Variants in KLRG1 observed in about 807,000 individuals in gnomAD.
KLRG1 encodes killer cell lectin-like receptor subfamily G member 1.
In KLRG1, 16 loss-of-function variants were observed where a neutral mutation model predicts 21.8. The observed-to-expected ratio is 0.73, with a 90% CI of 0.50 to 1.11. The LOEUF (loss-of-function observed/expected upper bound fraction) is 1.11. Ranked by LOEUF, KLRG1 falls within the 50% of genes most tolerant of loss-of-function variation. The pLI is 0.00. For missense variants in KLRG1, 173 were observed against 218.3 expected (o/e 0.79, Z 1.31); for synonymous variants, 69 against 75.9 (o/e 0.91, Z 0.47).
At chr12:9,099,323 A>G in the KLRG1 span, 1 of 1,491,608 alleles carries the variant, frequency 6.7e-7, no homozygotes, top group Non-Finnish European at 9.1e-7. Context: ...AAAACAAATG[A>G]TAACAATAGT....
chr12:9,092,321 A>T, the KLRG1 span, among the ~76,000 whole-genome samples: 1 of 152,196 alleles, frequency 6.6e-6, no homozygotes, highest in African/African-American at 2.4e-5. Flanking sequence ...CCAGGAGTAG[A>T]TGGAGCTCTG....
chr12:8,978,652 C>A (rs927106006), intron 1 of KLRG1, among the ~76,000 whole-genome samples: 15 of 134,208 alleles, frequency 1.1e-4, no homozygotes, highest in Non-Finnish European at 2.0e-4. Flanking sequence ...TTCTTTCTTT[C>A]TTTCTTTCTT....
chr12:9,014,614 G>T (rs1451667523), downstream of KLRG1, among the ~76,000 whole-genome samples: 1 of 152,018 alleles, frequency 6.6e-6, no homozygotes, highest in Non-Finnish European at 1.5e-5. Flanking sequence ...GCTAAAGGGG[G>T]TTCTTCAATC....
chr12:9,203,752 G>T, the KLRG1 span: 1 of 1,613,558 alleles, frequency 6.2e-7, no homozygotes, highest in Non-Finnish European at 8.5e-7. Context: ...TAGCCAGCTG[G>T]CACCGTAGCA....
chr12:9,157,256 C>T, the KLRG1 span: 1 of 1,614,014 alleles, frequency 6.2e-7, no homozygotes, highest in Non-Finnish European at 8.5e-7. Flanking sequence ...AAAGCATAGG[C>T]CAGCAATGCC....
the KLRG1 span, among the ~76,000 whole-genome samples, chr12:9,177,532 G>C: frequency 6.6e-6 from 1 of 152,302 alleles, no homozygotes; most frequent in South Asian, 2.1e-4. Context: ...AAGCCACTAG[G>C]TTTTGAAGAA....
chr12:9,146,182 A>G, the KLRG1 span, among the ~76,000 whole-genome samples: 2 of 152,004 alleles, frequency 1.3e-5, no homozygotes, highest in Non-Finnish European at 2.9e-5. Flanking sequence ...TGATGGTGCT[A>G]CATAAGTTCC....
intron 2 of KLRG1, among the ~76,000 whole-genome samples, chr12:8,994,838 T>G: frequency 6.6e-6 from 1 of 152,226 alleles, no homozygotes; most frequent in Non-Finnish European, 1.5e-5. Context: ...CTCCAGAGTT[T>G]TCAGGCAGAT....
At chr12:9,183,524 C>G in the KLRG1 span, among the ~76,000 whole-genome samples, 1 of 152,132 alleles carries the variant, frequency 6.6e-6, no homozygotes, top group South Asian at 2.1e-4. Context: ...CTCAGCCTCC[C>G]CAGTAGCTGG....
the KLRG1 span, chr12:9,093,636 G>C: frequency 1.1e-6 from 1 of 880,834 alleles, no homozygotes; most frequent in Non-Finnish European, 1.6e-6. Flanking sequence ...GCTTATGAGA[G>C]AATGTAATAG....
At chr12:9,038,146 A>G in the KLRG1 span, among the ~76,000 whole-genome samples, 1 of 152,124 alleles carries the variant, frequency 6.6e-6, no homozygotes, top group Admixed American at 6.6e-5. Context: ...CTATAGTCCT[A>G]CCTATTCAGG....
chr12:9,092,349 A>G, the KLRG1 span, among the ~76,000 whole-genome samples: 1 of 152,162 alleles, frequency 6.6e-6, no homozygotes, highest in Non-Finnish European at 1.5e-5. Flanking sequence ...GAGTCTCCCT[A>G]GACCACAGTG....
the KLRG1 span, among the ~76,000 whole-genome samples, chr12:9,132,228 A>G: frequency 1.3e-5 from 2 of 152,240 alleles, no homozygotes; most frequent in Non-Finnish European, 1.5e-5. Context: ...TCAACCTTGG[A>G]ACACCAACCT....
chr12:9,082,298 T>G, the KLRG1 span, among the ~76,000 whole-genome samples: 9 of 152,174 alleles, frequency 5.9e-5, no homozygotes, highest in Non-Finnish European at 1.2e-4. Context: ...AGGTCCCAAA[T>G]AGCAGAATCA....
the KLRG1 span, chr12:9,158,290 T>C: frequency 7.4e-7 from 1 of 1,345,352 alleles, no homozygotes; most frequent in South Asian, 1.4e-5. Context: ...TGTAATACTC[T>C]TTCCCTGATG....
At chr12:9,019,997 G>C in the KLRG1 span, among the ~76,000 whole-genome samples, 1 of 152,002 alleles carries the variant, frequency 6.6e-6, no homozygotes, top group South Asian at 2.1e-4. Context: ...CCAAGCTACT[G>C]TTGTTTTTCA....
At chr12:9,038,098 C>T in the KLRG1 span, among the ~76,000 whole-genome samples, 2 of 152,072 alleles carry the variant, frequency 1.3e-5, no homozygotes, top group Admixed American at 6.6e-5. Context: ...CCAATCCTTA[C>T]AAAAAATAAA....
the KLRG1 span, among the ~76,000 whole-genome samples, chr12:9,097,632 C>CTTTTTTTT: frequency 3.1e-4 from 40 of 127,106 alleles, 1 homozygote; most frequent in African/African-American, 6.2e-4. Context: ...TGATGTAATT[C>CTTTTTTTT]TTTTTTTTTT....
chr12:9,147,280 C>T, the KLRG1 span, among the ~76,000 whole-genome samples: 1 of 152,126 alleles, frequency 6.6e-6, no homozygotes, highest in African/African-American at 2.4e-5. Context: ...CTGTGCTTGT[C>T]CTGTCAGAAC....
Sources: gnomAD v4.1 joint callset for allele counts (sites outside exome capture counted in the v4.1 genomes callset) on GRCh38, gnomAD v4.1.1 for gene constraint, MANE v1.5 for transcripts, NCBI Gene and HGNC (gene_info 2026-07-23, HGNC 2026-07-21) for gene names.